The following RASGRP1 variants were observed in gnomAD, a reference collection of about 807,000 sequenced individuals.
RASGRP1 encodes RAS guanyl releasing protein 1.
A neutral mutation model predicts 95.1 loss-of-function variants in RASGRP1; 37 were observed. The observed-to-expected ratio is 0.39, with a 90% CI of 0.30 to 0.51. The LOEUF (loss-of-function observed/expected upper bound fraction) is 0.51, where lower values mean the gene tolerates loss of function less well. Among genes scored for constraint, RASGRP1 ranks in the 20% least tolerant of loss-of-function variants. The pLI, the probability that RASGRP1 is intolerant of heterozygous loss-of-function variation, is 0.80. For missense variants in RASGRP1, 711 were observed against 965.4 expected (o/e 0.74, Z 3.49); for synonymous variants, 325 against 353.4 (o/e 0.92, Z 0.90).
chr15:38,511,638 T>A lies in RASGRP1; in HGVS notation c.932A>T (p.Glu311Val). The A allele has an allele frequency of 6.2e-7, 1 of 1,613,570 alleles. No homozygotes were observed. Among genetic ancestry groups the A allele is most frequent in the Non-Finnish European group, 8.5e-7 (1 of 1,179,622 alleles). Reference sequence around the variant, plus strand: ...TTCATGTGGGACATGCGAACTTGTCTCCTTGAGCCTCGAGATTGAGCTGTG... The same window carrying A: ...TTCATGTGGGACATGCGAACTTGTCACCTTGAGCCTCGAGATTGAGCTGTG... ...LCHSSISRLK[E>V]TSSHVPHEIN... Residue 311 changes from glutamate to valine, a missense_variant, in exon 8 of 17, where the codon GAG (glutamate) becomes GTG (valine). Glu to Val is a moderately radical substitution (Grantham distance 121). Transcript: ENST00000310803.
At chr15:38,502,496 G>T in intron 11 of RASGRP1, 75 bp from the exon 12 acceptor site, 1 of 914,112 alleles carries the variant, frequency 1.1e-6, no homozygotes. Context: ...ATGACAAAGA[G>T]CTGGGGCAGT....
At chr15:38,519,103 T>C (rs1189123639) in intron 4 of RASGRP1, among the ~76,000 whole-genome samples, 1 of 152,236 alleles carries the variant, frequency 6.6e-6, no homozygotes, top group East Asian at 1.9e-4. Flanking sequence ...CTCCTTCATG[T>C]CATTTGATAC....
At chr15:38,556,990 G>T (rs1385082042) in intron 2 of RASGRP1, among the ~76,000 whole-genome samples, 1 of 152,094 alleles carries the variant, frequency 6.6e-6, no homozygotes, top group African/African-American at 2.4e-5. Context: ...TTTTTCGTGG[G>T]TTTAAAATGA....
intron 4 of RASGRP1, 129 bp downstream of exon 4, chr15:38,519,180 T>G (rs1251698494): frequency 3.5e-6 from 2 of 572,692 alleles, no homozygotes; most frequent in African/African-American, 3.8e-5. Context: ...TTCACTGTTA[T>G]GAAGGACTAC....
intron 2 of RASGRP1, among the ~76,000 whole-genome samples, chr15:38,550,248 A>AC (rs1395039817): frequency 6.6e-6 from 1 of 151,260 alleles, no homozygotes; most frequent in East Asian, 1.9e-4. Flanking sequence ...TCGCCAAAAA[A>AC]AAAAAAAAAA....
chr15:38,530,064 T>C (rs976290578), intron 2 of RASGRP1, among the ~76,000 whole-genome samples: 1 of 152,202 alleles, frequency 6.6e-6, no homozygotes, highest in East Asian at 1.9e-4. Context: ...ACAAAAATTC[T>C]GCATAACCAA....
chr15:38,519,191 C>G, intron 4 of RASGRP1, 118 bp downstream of exon 4: 1 of 650,054 alleles, frequency 1.5e-6, no homozygotes, highest in Admixed American at 3.0e-5. Flanking sequence ...GAAGGACTAC[C>G]CTTTTCCATC....
intron 2 of RASGRP1, among the ~76,000 whole-genome samples, chr15:38,549,483 A>G (rs899394957): frequency 6.6e-6 from 1 of 152,236 alleles, no homozygotes; most frequent in African/African-American, 2.4e-5. Flanking sequence ...ACCATGATTC[A>G]GATAGATCAG....
chr15:38,517,463 C>T (rs1023824128), intron 5 of RASGRP1, among the ~76,000 whole-genome samples: 46 of 152,122 alleles, frequency 3.0e-4, no homozygotes, highest in African/African-American at 1.1e-3. Flanking sequence ...TTATTTGGGG[C>T]TCTGGAATGT....
chr15:38,523,179 A>C (rs1288460150), intron 3 of RASGRP1, among the ~76,000 whole-genome samples: 1 of 152,168 alleles, frequency 6.6e-6, no homozygotes, highest in Non-Finnish European at 1.5e-5. Flanking sequence ...ACTGAAATTG[A>C]CCATGAAAAT....
At chr15:38,509,495 G>A (rs1401290064) in intron 8 of RASGRP1, among the ~76,000 whole-genome samples, 2 of 152,184 alleles carry the variant, frequency 1.3e-5, no homozygotes, top group Admixed American at 1.3e-4. Context: ...GGGAGACCGA[G>A]GTGGACGGAT....
intron 12 of RASGRP1, 65 bp from the exon 13 acceptor site, chr15:38,501,352 G>C (rs956765490): frequency 1.9e-6 from 3 of 1,563,518 alleles, no homozygotes; most frequent in Middle Eastern, 1.7e-4. Context: ...AGCAAGGGGG[G>C]GCTTCTAGCC....
At chr15:38,499,070 A>G (rs1192392366) in intron 14 of RASGRP1, 124 bp from the exon 15 acceptor site, 1 of 1,297,856 alleles carries the variant, frequency 7.7e-7, no homozygotes, top group African/African-American at 1.5e-5. Context: ...TGGAGCTAAG[A>G]CACTTAACAT....
intron 2 of RASGRP1, among the ~76,000 whole-genome samples, chr15:38,550,285 A>G (rs561555250): frequency 2.4e-4 from 36 of 151,776 alleles, no homozygotes; most frequent in South Asian, 1.0e-3. Context: ...AAAAGTTAAT[A>G]CAGACAAAAG....
At chr15:38,545,140 T>A (rs758595721) in intron 2 of RASGRP1, among the ~76,000 whole-genome samples, 1 of 152,244 alleles carries the variant, frequency 6.6e-6, no homozygotes, top group Non-Finnish European at 1.5e-5. Flanking sequence ...CATGTTTACA[T>A]TATTAAGAAA....
At chr15:38,507,315 C>A (rs77893566) in intron 9 of RASGRP1, among the ~76,000 whole-genome samples, 4 of 149,478 alleles carry the variant, frequency 2.7e-5, no homozygotes, top group African/African-American at 9.9e-5. Context: ...AAATAATAAC[C>A]CTGGGTGTTT....
chr15:38,526,510 G>A (rs1325637739), intron 2 of RASGRP1, 106 bp from the exon 3 acceptor site: 3 of 763,042 alleles, frequency 3.9e-6, no homozygotes, highest in African/African-American at 1.7e-5. Context: ...TTCAGGCACA[G>A]TGATTTTCTT....
chr15:38,510,991 C>T (rs778978426), intron 8 of RASGRP1, among the ~76,000 whole-genome samples: 3 of 151,896 alleles, frequency 2.0e-5, no homozygotes, highest in Non-Finnish European at 2.9e-5. Flanking sequence ...GCAAAACAGC[C>T]CTATGTCATA....
intron 11 of RASGRP1, among the ~76,000 whole-genome samples, 196 bp from the exon 12 acceptor site, chr15:38,502,617 T>TG (rs1478843828): frequency 1.3e-5 from 2 of 152,162 alleles, no homozygotes; most frequent in Non-Finnish European, 2.9e-5. Context: ...TAGCAGCATG[T>TG]GGGGGGTGGC....
Sources: allele counts gnomAD v4.1 joint callset (sites outside exome capture counted in the v4.1 genomes callset), GRCh38; gene constraint gnomAD v4.1.1; transcripts MANE v1.5; gene names NCBI Gene and HGNC (gene_info 2026-07-23, HGNC 2026-07-21).